The following PLCH2 variants were observed in gnomAD, a reference collection of about 807,000 sequenced individuals.
The protein encoded by PLCH2 is phospholipase C eta 2.
Under a neutral mutation model 134.7 loss-of-function variants are expected in PLCH2, and 98 were observed. The ratio of observed to expected loss-of-function variants is 0.73; its 90% confidence interval spans 0.62 to 0.86. PLCH2 has a LOEUF of 0.86. Among genes scored for constraint, PLCH2 ranks in the 40% least tolerant of loss-of-function variants. The probability of loss-of-function intolerance (pLI) is 0.00; values close to 1 mark genes in which losing one functional copy is unlikely to be tolerated. For missense variants in PLCH2, 1,994 were observed against 1,986.6 expected, an observed-to-expected ratio of 1.00 and a Z score of -0.07; for synonymous variants, 974 against 827.5, an observed-to-expected ratio of 1.18 and a Z score of -3.04.
chr1:2,419,969 C>A, the PLCH2 span, among the ~76,000 whole-genome samples: 17 of 150,972 alleles, frequency 1.1e-4, no homozygotes, highest in Admixed American at 6.6e-5. Context: ...AAGTCCCCCC[C>A]CCACCCCCAG....
At chr1:2,480,066 C>T in intron 3 of PLCH2, 89 bp downstream of exon 3, 1 of 1,579,732 alleles carries the variant, frequency 6.3e-7, no homozygotes, top group Non-Finnish European at 8.6e-7. Context: ...TGCCGGGTCA[C>T]ACACTGGGGA....
intron 5 of PLCH2, 33 bp downstream of exon 5, chr1:2,484,651 G>C (rs1311208120): frequency 6.2e-7 from 1 of 1,602,334 alleles, no homozygotes; most frequent in Admixed American, 1.7e-5. Context: ...TGGGGGGCCA[G>C]CCATCAGGCC....
At chr1:2,433,989 G>A (rs80167457) in intron 2 of PLCH2, among the ~76,000 whole-genome samples, 5 of 149,934 alleles carry the variant, frequency 3.3e-5, no homozygotes, top group African/African-American at 9.8e-5. Context: ...CAGTCTCCCC[G>A]GGCACCCAGG....
chr1:2,472,293 G>T (rs1181066651), upstream of PLCH2, among the ~76,000 whole-genome samples: 1 of 152,190 alleles, frequency 6.6e-6, no homozygotes, highest in Non-Finnish European at 1.5e-5. Context: ...CAGTCCAGGG[G>T]CCCGGCTGAT....
intron 20 of PLCH2, chr1:2,501,558 CT>C (rs1558035456): frequency 6.5e-6 from 1 of 152,774 alleles, no homozygotes; most frequent in African/African-American, 2.4e-5. Context: ...AGAGGTGGTA[CT>C]TCCTAGGGCA....
upstream of PLCH2, among the ~76,000 whole-genome samples, chr1:2,473,433 T>C (rs1386662840): frequency 1.3e-5 from 2 of 152,214 alleles, no homozygotes; most frequent in East Asian, 3.8e-4. Flanking sequence ...TGCAGCCCCG[T>C]CTGCCCGTCT....
In PLCH2 at chr1:2,439,061, T is replaced by G. The variant is rs997139497; in HGVS notation, c.115+8432T>G. On this transcript the variant is annotated intron_variant, in intron 2 of 3. Coordinates refer to the PLCH2 transcript ENST00000609981. This position sits in a 1 kb window ranked among gnomAD's most constrained non-coding sequence, Gnocchi z 4.7. ...GACCCAGCTCCCAGGGTCCCTGTCT[T>G]GCTAGACCTGGACGGAAATATCTCC... Among the ~76,000 whole-genome samples the G allele has an allele frequency of 6.6e-6, 1 of 152,206 alleles. No individual in the cohort carries two copies. Among genetic ancestry groups the G allele is most frequent in the Non-Finnish European group, 1.5e-5 (1 of 68,026 alleles).
At chr1:2,466,815 C>T (rs557975788), upstream of PLCH2, among the ~76,000 whole-genome samples, 31 of 152,308 alleles carry the variant, frequency 2.0e-4, no homozygotes, top group Non-Finnish European at 3.7e-4. Context: ...GACCCCAGCG[C>T]GGGCAGCTCA....
At position 2,486,728 on chromosome 1, in the gene PLCH2, C is replaced by A. The variant is rs149529745; in HGVS notation, c.817-179C>A. ...CGTCAGAGTTCATAGTCAGAGCAAG[C>A]CATCCAAAAGCCACGTGATCCACGG... On this transcript the variant is annotated intron_variant, in intron 5 of 21. Coordinates refer to ENST00000378486, the MANE Select transcript of PLCH2 (RefSeq NM_014638.4). Among the ~76,000 whole-genome samples the A allele has an allele frequency of 4.1e-3, 622 of 152,358 alleles. 1 individual carries two copies. Among genetic ancestry groups the A allele is most frequent in the Non-Finnish European group, 5.4e-3 (365 of 68,032 alleles).
chr1:2,443,604 C>CGCCCCGCGT (rs1186271142), intron 2 of PLCH2, among the ~76,000 whole-genome samples: 9 of 28,842 alleles, frequency 3.1e-4, no homozygotes, highest in Non-Finnish European at 6.9e-4. Context: ...TAGCCCCGCG[C>CGCCCCGCGT]CCCACCTGTT....
In PLCH2 at chr1:2,497,671, C is replaced by T. The variant is rs1642973464; in HGVS notation, c.2224+62C>T. 5 of 1,156,938 alleles carry T rather than the reference C, an allele frequency of 4.3e-6. No individual in the cohort carries two copies. In the Admixed American group the frequency reaches 6.2e-5, roughly 14 times the overall value. The allele number at this position is 1,156,938 out of a possible 1,614,324, so 71.7% of individuals were successfully genotyped here. ...GGCTCGGATGGGCCTCCTGGGTGTC[C>T]CCAGAACAGAGATCGGAGCCCCACA... On this transcript the variant is annotated intron_variant, in intron 16 of 21. Coordinates refer to ENST00000378486, the MANE Select transcript of PLCH2 (RefSeq NM_014638.4).
intron 10 of PLCH2, among the ~76,000 whole-genome samples, chr1:2,490,940 A>G (rs995436437): frequency 1.3e-5 from 2 of 152,202 alleles, no homozygotes; most frequent in African/African-American, 4.8e-5. Flanking sequence ...CTGCTGGCGC[A>G]CTGACCTCCC....
chr1:2,465,134 G>A (rs1252209244), upstream of PLCH2, among the ~76,000 whole-genome samples: 1 of 152,210 alleles, frequency 6.6e-6, no homozygotes, highest in African/African-American at 2.4e-5. Flanking sequence ...TGAGAACCTA[G>A]GGCTGTGGGC....
rs539325166 is a variant in PLCH2 at position 2,504,189 on chromosome 1, C to A, written c.3227C>A (p.Thr1076Lys). The A allele has an allele frequency of 7.1e-6, 11 of 1,545,020 alleles. No individual in the cohort carries two copies. The African/African-American group carries it at 1.2e-4, about 17-fold the overall frequency. ...TACGAGAGGGCCCCCGGCAGCCAGA[C>A]GGACGGCAGGAGCCAGCCCCGGACC... is the stretch of plus-strand genomic sequence containing the variant. ...GAYERAPGSQTDGRSQPRTLG... is the reference protein window; with the variant it reads ...GAYERAPGSQKDGRSQPRTLG... Residue 1076 changes from threonine (T) to lysine (K), a missense_variant, in exon 22 of 22, where the codon ACG becomes AAG. Thr to Lys is a moderately conservative substitution (Grantham distance 78). Around this residue, in one of 2 missense-constraint regions of PLCH2, gnomAD observed 900 missense variants for 752.3 expected, o/e 1.20. Transcript: ENST00000378486.
rs1380863362 is a variant in PLCH2, at chr1:2,448,905, C to T, written c.115+18276C>T. ...CACATCACTGCTGCCCCGGAAGGCA[C>T]CTGGGGCCTCCAGAATGCTCGTTTC... is the stretch of plus-strand genomic sequence containing the variant. On this transcript the variant is annotated intron_variant, in intron 2 of 3. Transcript: ENST00000609981. The surrounding 1 kb of genome is among the most constrained non-coding windows in gnomAD (Gnocchi z 4.0). 1.3e-5 allele frequency among the ~76,000 whole-genome samples: 2 copies of T among 152,184 alleles called. No individual in the cohort carries two copies. Among genetic ancestry groups the T allele is most frequent in the Non-Finnish European group, 2.9e-5 (2 of 68,036 alleles).
In PLCH2 at chr1:2,504,256, G is replaced by A. The variant is rs1356573636; in HGVS notation, c.3294G>A (p.Gly1098=). Residue 1098 remains glycine (G), a synonymous_variant, in exon 22 of 22, where the codon GGG becomes GGA. Coordinates refer to ENST00000378486, the MANE Select transcript of PLCH2 (RefSeq NM_014638.4). ...LPVIRRVKSE[G]QVPTEPLGGW... ...TGATTAGAAGGGTGAAGAGTGAGGGGCAGGTGCCCACGGAGCCCCTGGGAG... is the reference window on the plus strand; with the variant it reads ...TGATTAGAAGGGTGAAGAGTGAGGGACAGGTGCCCACGGAGCCCCTGGGAG... The A allele has an allele frequency of 1.9e-6, 3 of 1,590,756 alleles. No homozygotes were observed. Among genetic ancestry groups the A allele is most frequent in the Non-Finnish European group, 8.5e-7 (1 of 1,170,322 alleles).
chr1:2,474,846 G>A (rs1047815568), upstream of PLCH2, among the ~76,000 whole-genome samples: 2 of 152,174 alleles, frequency 1.3e-5, no homozygotes, highest in Admixed American at 6.5e-5. Flanking sequence ...GGCTATGGCC[G>A]TCTGGTCTGT....
intron 1 of PLCH2, among the ~76,000 whole-genome samples, chr1:2,477,079 G>A (rs1425706114): frequency 2.6e-5 from 4 of 152,162 alleles, no homozygotes; most frequent in Non-Finnish European, 2.9e-5. Flanking sequence ...TCCTGGTGCC[G>A]GACATGAGGG....
intron 9 of PLCH2, 32 bp from the exon 10 acceptor site, chr1:2,489,728 G>A (rs754031395): frequency 7.2e-6 from 11 of 1,534,234 alleles, no homozygotes; most frequent in Admixed American, 3.3e-5. Flanking sequence ...ATTTTCTCCA[G>A]GGCCCCTCCC....
Sources: gnomAD v4.1 joint callset for allele counts (sites outside exome capture counted in the v4.1 genomes callset) on GRCh38, gnomAD v4.1.1 for gene constraint, gnomAD v4.1.1 regional missense constraint, Gnocchi (gnomAD v3.1) non-coding constraint, MANE v1.5 for transcripts, NCBI Gene and HGNC (gene_info 2026-07-23, HGNC 2026-07-21) for gene names.